The following PRXL2B variants were observed in gnomAD, a reference collection of about 807,000 sequenced individuals.
The protein encoded by PRXL2B is prostamide/prostaglandin F synthase.
Under a neutral mutation model 24.4 loss-of-function variants are expected in PRXL2B, and 26 were observed. That is an observed-to-expected ratio of 1.07 (90% confidence interval 0.78 to 1.48). PRXL2B has a LOEUF of 1.48. Among genes scored for constraint, PRXL2B ranks in the 40% most tolerant of loss-of-function variants. The pLI, the probability that PRXL2B is intolerant of heterozygous loss-of-function variation, is 0.00. For missense variants in PRXL2B, 269 were observed against 264.8 expected (o/e 1.02, Z -0.11); for synonymous variants, 115 against 118.9 (o/e 0.97, Z 0.21).
At position 2,590,998 on chromosome 1, in the gene PRXL2B, C is replaced by A. The variant is rs577504335; in HGVS notation, c.*1571C>A. 3 of 1,589,054 alleles carry A rather than the reference C, an allele frequency of 1.9e-6. No individual in the cohort carries two copies. Among genetic ancestry groups the A allele is most frequent in the Non-Finnish European group, 2.6e-6 (3 of 1,169,696 alleles). On this transcript the variant is annotated 3_prime_UTR_variant, in exon 7 of 7. Transcript: ENST00000419916. ...GCGCGGCAGGGCCTTGGCTACCACA[C>A]GCGGCATCGCTCCTTGGGGTGCATG...
At position 2,589,498 on chromosome 1, in the gene PRXL2B, T is replaced by C. The variant is rs767619877; in HGVS notation, c.*71T>C. ...GCCCTAGGTGTGCTGGAAGTCCACT[T>C]GGAAGAACTGTTCCGGAGGCGCTGG... On this transcript the variant is annotated 3_prime_UTR_variant, in exon 7 of 7. Coordinates refer to ENST00000419916, the MANE Select transcript of PRXL2B (RefSeq NM_152371.5). 3 of 1,610,048 alleles carry C rather than the reference T, an allele frequency of 1.9e-6. No individual in the cohort carries two copies. Among genetic ancestry groups the C allele is most frequent in the East Asian group, 2.2e-5 (1 of 44,860 alleles).
intron 6 of PRXL2B, 140 bp from the exon 7 acceptor site, chr1:2,589,270 G>T: frequency 1.5e-6 from 2 of 1,319,784 alleles, no homozygotes; most frequent in Non-Finnish European, 1.1e-6. Flanking sequence ...GTCCTCAGAG[G>T]TGGGGGCGAC....
rs1001817311 is a variant in PRXL2B, at chr1:2,590,762, C to T, written c.*1335C>T. The T allele has an allele frequency of 7.4e-6, 3 of 404,538 alleles. No homozygotes were observed. Among genetic ancestry groups the T allele is most frequent in the South Asian group, 1.0e-4 (1 of 9,672 alleles). 25.1% of individuals were successfully genotyped at this position (404,538 alleles called of 1,614,324 possible). ...GAGCTGTGACGGGGGCACTGAGCCC[C>T]GCGGGTGTCTGTGGAGGGGGCTCCG... On this transcript the variant is annotated 3_prime_UTR_variant, in exon 7 of 7. Transcript: ENST00000419916.
chr1:2,587,334 TC>T lies in PRXL2B; in HGVS notation c.268+42del. ...CCCGCCGCGGCGGCGCACATACCCT[TC>T]CCTAAGCTCAGGGCGTTCGGGGCCC... On this transcript the variant is annotated intron_variant, in intron 2 of 6. Coordinates refer to ENST00000419916, the MANE Select transcript of PRXL2B (RefSeq NM_152371.5). This position sits in a 1 kb window ranked among gnomAD's most constrained non-coding sequence, Gnocchi z 6.1. 1 of 1,536,730 alleles carries T rather than the reference TC, an allele frequency of 6.5e-7. No individual in the cohort carries two copies. The highest frequency in any genetic ancestry group is 8.7e-7 in the Non-Finnish European group (1 of 1,146,714).
Position 2,587,860 on chromosome 1 carries a change from C to A in PRXL2B, c.320+68C>A. Reference sequence around the variant, plus strand: ...CCCAGGGGTTCCCACCGCTCCCTGCCACCTCCTCTCCCTGCTGCCCTCTGT... The same window carrying A: ...CCCAGGGGTTCCCACCGCTCCCTGCAACCTCCTCTCCCTGCTGCCCTCTGT... On this transcript the variant is annotated intron_variant, in intron 3 of 6. Transcript: ENST00000419916. This position sits in a 1 kb window ranked among gnomAD's most constrained non-coding sequence, Gnocchi z 6.1. The A allele has an allele frequency of 6.6e-7, 1 of 1,514,138 alleles. No individual in the cohort carries two copies. Among genetic ancestry groups the A allele is most frequent in the Non-Finnish European group, 9.0e-7 (1 of 1,116,886 alleles). 93.8% of individuals were successfully genotyped at this position (1,514,138 alleles called of 1,614,324 possible). A position where few individuals can be genotyped will look rare whatever the true frequency, so the allele number is the denominator to read the frequency against.
chr1:2,591,239 C>A lies in PRXL2B; in HGVS notation c.*1812C>A. 1 of 607,420 alleles carries A rather than the reference C, an allele frequency of 1.6e-6. No individual in the cohort carries two copies. Among genetic ancestry groups the A allele is most frequent in the Non-Finnish European group, 2.9e-6 (1 of 348,700 alleles). 37.6% of individuals were successfully genotyped at this position (607,420 alleles called of 1,614,324 possible). A position where few individuals can be genotyped will look rare whatever the true frequency, so the allele number is the denominator to read the frequency against. The stretch of plus-strand genomic sequence containing the variant: ...AAACATTTCAACCATGAGATAAACC[C>A]CCATCTGACCAGAAACATGCCAATC... On this transcript the variant is annotated 3_prime_UTR_variant, in exon 7 of 7. Transcript: ENST00000419916.
Position 2,586,850 on chromosome 1 carries a change from T to A in PRXL2B, c.-36T>A. Reference sequence around the variant, plus strand: ...GGAGCCGGGAGCGGGGAACAGGGAGTCGGGGAGCCGGGAACCAGGGCTGGC... The same window carrying A: ...GGAGCCGGGAGCGGGGAACAGGGAGACGGGGAGCCGGGAACCAGGGCTGGC... On this transcript the variant is annotated 5_prime_UTR_variant, in exon 1 of 7. Coordinates refer to ENST00000419916, the MANE Select transcript of PRXL2B (RefSeq NM_152371.5). 7.8e-7 allele frequency: 1 copy of A among 1,276,750 alleles called. No individual in the cohort carries two copies. Among genetic ancestry groups the A allele is most frequent in the Non-Finnish European group, 9.9e-7 (1 of 1,012,610 alleles). 79.1% of individuals were successfully genotyped at this position (1,276,750 alleles called of 1,614,324 possible). A position where few individuals can be genotyped will look rare whatever the true frequency, so the allele number is the denominator to read the frequency against.
intron 5 of PRXL2B, 39 bp from the exon 6 acceptor site, chr1:2,588,883 G>A (rs760718442): frequency 2.4e-5 from 38 of 1,582,708 alleles, no homozygotes; most frequent in Non-Finnish European, 2.9e-5. Flanking sequence ...AGGTGCAGGC[G>A]GCCTCCGGGG....
Position 2,591,050 on chromosome 1 carries a change from GTCTGCGAAGGCGGCCAGGT to G in PRXL2B, c.*1629_*1647del. 2 of 1,606,862 alleles carry G rather than the reference GTCTGCGAAGGCGGCCAGGT, an allele frequency of 1.2e-6. No individual in the cohort carries two copies. The highest frequency in any genetic ancestry group is 1.7e-6 in the Non-Finnish European group (2 of 1,177,324). On this transcript the variant is annotated 3_prime_UTR_variant, in exon 7 of 7. Coordinates refer to ENST00000419916, the MANE Select transcript of PRXL2B (RefSeq NM_152371.5). ...GGGTGCCCCGGGCACAGTGGAACGT[GTCTGCGAAGGCGGCCAGGT>G]TCTGCAGCGACCCCAGTACCCTGTG...
rs777334071 is a variant in PRXL2B at position 2,591,102 on chromosome 1, G to A, written c.*1675G>A. The stretch of plus-strand genomic sequence containing the variant: ...CGACCCCAGTACCCTGTGGGTGGGT[G>A]GGTGTGACAGCAGGAGCATTGCCAT... On this transcript the variant is annotated 3_prime_UTR_variant, in exon 7 of 7. Transcript: ENST00000419916. 3 of 1,547,154 alleles carry A rather than the reference G, an allele frequency of 1.9e-6. No individual in the cohort carries two copies. In the East Asian group the frequency reaches 6.9e-5, roughly 36 times the overall value.
chr1:2,588,305 C>T, intron 3 of PRXL2B, 85 bp from the exon 4 acceptor site: 1 of 1,591,284 alleles, frequency 6.3e-7, no homozygotes, highest in Middle Eastern at 1.9e-4. Context: ...GGGGCCTGAC[C>T]TAGGAACTGG....
Sources: allele counts gnomAD v4.1 joint callset, GRCh38; gene constraint gnomAD v4.1.1; non-coding constraint Gnocchi (gnomAD v3.1); transcripts MANE v1.5; gene names NCBI Gene and HGNC (gene_info 2026-07-23, HGNC 2026-07-21).